The following CNTNAP5 variants were observed in gnomAD, a reference collection of about 807,000 sequenced individuals.
CNTNAP5 encodes the protein contactin associated protein family member 5.
CNTNAP5 carries 72 observed loss-of-function variants against 150.2 expected under a neutral mutation model. The ratio of observed to expected loss-of-function variants is 0.48; its 90% CI spans 0.40 to 0.58. The LOEUF is 0.58. Among genes scored for constraint, CNTNAP5 ranks in the 20% least tolerant of loss-of-function variants. CNTNAP5 has a pLI of 0.00. For missense variants in CNTNAP5, 1,636 were observed against 1,626.2 expected (o/e 1.01, Z -0.10); for synonymous variants, 672 against 619.8 (o/e 1.08, Z -1.25).
At chr2:124,224,927 A>T in intron 2 of CNTNAP5, among the ~76,000 whole-genome samples, 1 of 152,188 alleles carries the variant, frequency 6.6e-6, no homozygotes, top group East Asian at 1.9e-4. Flanking sequence ...AAGCAATTAT[A>T]ACACTGTCTC....
At chr2:124,692,144 C>G (rs1203661008) in intron 13 of CNTNAP5, among the ~76,000 whole-genome samples, 2 of 152,124 alleles carry the variant, frequency 1.3e-5, no homozygotes, top group Non-Finnish European at 2.9e-5. Context: ...ATGAGTGAAG[C>G]CCTTTGGGGA....
chr2:124,878,643 A>G (rs1677907567), intron 21 of CNTNAP5, among the ~76,000 whole-genome samples: 1 of 151,942 alleles, frequency 6.6e-6, no homozygotes. Context: ...ATGATTGGTA[A>G]ACAGTGGAGG....
At chr2:124,547,577 G>T (rs1304270673) in intron 10 of CNTNAP5, among the ~76,000 whole-genome samples, 1 of 152,140 alleles carries the variant, frequency 6.6e-6, no homozygotes, top group Non-Finnish European at 1.5e-5. Context: ...TCAGTATCTG[G>T]GGTGGCTGCT....
intron 1 of CNTNAP5, among the ~76,000 whole-genome samples, chr2:124,044,895 C>T (rs1466690626): frequency 1.6e-5 from 1 of 62,920 alleles, no homozygotes; most frequent in Non-Finnish European, 3.1e-5. Context: ...AGGAAACACA[C>T]ACACACACAC....
chr2:124,423,685 G>T (rs1165881468), intron 4 of CNTNAP5, among the ~76,000 whole-genome samples: 2 of 7,456 alleles, frequency 2.7e-4, no homozygotes, highest in Non-Finnish European at 3.1e-4. Context: ...TTTTTTTTGA[G>T]ACGGAGTCTC....
intron 19 of CNTNAP5, among the ~76,000 whole-genome samples, chr2:124,851,518 T>C (rs1240246761): frequency 6.6e-6 from 1 of 152,166 alleles, no homozygotes; most frequent in East Asian, 1.9e-4. Context: ...AAAGAATACG[T>C]TGGCATCAGA....
chr2:124,599,195 A>G lies in CNTNAP5; in HGVS notation c.1757-10606A>G, dbSNP rs543472185. On this transcript the variant is annotated intron_variant, in intron 11 of 23. Coordinates refer to ENST00000682447, the MANE Select transcript of CNTNAP5 (RefSeq NM_001367498.1). ...CCTTCAATATTTAAATCTCTGATTC[A>G]ATTAAAATTTGATCGTGGTCTGCAG... 1.6e-4 allele frequency among the ~76,000 whole-genome samples: 24 copies of G among 152,336 alleles called. No homozygotes were observed. The South Asian group carries it at 2.3e-3, about 14-fold the overall frequency.
At chr2:124,757,685 A>T (rs1347950668) in intron 14 of CNTNAP5, among the ~76,000 whole-genome samples, 3 of 152,166 alleles carry the variant, frequency 2.0e-5, no homozygotes, top group Non-Finnish European at 2.9e-5. Flanking sequence ...TATTCTCAGG[A>T]TTAAGTGAGC....
At chr2:124,140,354 A>C (rs1244271079) in intron 1 of CNTNAP5, among the ~76,000 whole-genome samples, 1 of 151,786 alleles carries the variant, frequency 6.6e-6, no homozygotes, top group Non-Finnish European at 1.5e-5. Context: ...TCAAACAAAA[A>C]AACAGCAGTA....
chr2:124,292,223 C>T (rs759964068), intron 3 of CNTNAP5, among the ~76,000 whole-genome samples: 5 of 152,014 alleles, frequency 3.3e-5, no homozygotes, highest in Non-Finnish European at 7.4e-5. Flanking sequence ...GAGAACATTT[C>T]CCAGTATCTT....
intron 1 of CNTNAP5, among the ~76,000 whole-genome samples, chr2:124,212,037 C>T (rs1267828807): frequency 6.6e-6 from 1 of 152,144 alleles, no homozygotes; most frequent in Non-Finnish European, 1.5e-5. Flanking sequence ...AAGAGAAACT[C>T]TCAATTCTGA....
chr2:124,717,412 A>T (rs1486152172), intron 13 of CNTNAP5, among the ~76,000 whole-genome samples: 1 of 152,222 alleles, frequency 6.6e-6, no homozygotes, highest in Non-Finnish European at 1.5e-5. Flanking sequence ...AGTGCATATA[A>T]CCATAGCACC....
intron 1 of CNTNAP5, among the ~76,000 whole-genome samples, chr2:124,044,833 C>T (rs1396264824): frequency 1.3e-5 from 2 of 150,948 alleles, no homozygotes; most frequent in Non-Finnish European, 2.9e-5. Flanking sequence ...AACTAAACTT[C>T]TTAATTGTAG....
intron 3 of CNTNAP5, among the ~76,000 whole-genome samples, chr2:124,321,450 AAAAAAAG>A (rs1311714477): frequency 1.2e-3 from 188 of 152,164 alleles, no homozygotes; most frequent in Non-Finnish European, 2.0e-3. Context: ...TCTCAAAAAA[AAAAAAAG>A]AAAAAGAAAA....
In CNTNAP5 at chr2:124,401,501, A is replaced by T. The variant is rs181106246; in HGVS notation, c.382-15942A>T. Among the ~76,000 whole-genome samples, 1,235 of 152,354 alleles carry T rather than the reference A, an allele frequency of 8.1e-3. 10 individuals are homozygous for T. Among genetic ancestry groups the T allele is most frequent in the Non-Finnish European group, 7.9e-3 (540 of 68,040 alleles). On this transcript the variant is annotated intron_variant, in intron 3 of 23. Coordinates refer to ENST00000682447, the MANE Select transcript of CNTNAP5 (RefSeq NM_001367498.1). ...ATACAAAAGTTCATAGTGTTCTAGGAAGAATTTTGAGAACTTTATTCAGAA... is the reference window on the plus strand; with the variant it reads ...ATACAAAAGTTCATAGTGTTCTAGGTAGAATTTTGAGAACTTTATTCAGAA...
At chr2:124,636,088 C>T (rs1161425369) in intron 12 of CNTNAP5, among the ~76,000 whole-genome samples, 1 of 152,164 alleles carries the variant, frequency 6.6e-6, no homozygotes, top group African/African-American at 2.4e-5. Flanking sequence ...TTGAAAGTCA[C>T]AATTTTTATG....
intron 19 of CNTNAP5, among the ~76,000 whole-genome samples, chr2:124,860,504 TTTCC>T (rs70999227): frequency 0.036 from 626 of 17,424 alleles, 9 homozygotes; most frequent in Non-Finnish European, 0.051. Flanking sequence ...TCCTTCCTTC[TTTCC>T]TTCCTTCCTT....
At chr2:124,684,491 G>A (rs1215274734) in intron 13 of CNTNAP5, among the ~76,000 whole-genome samples, 2 of 152,098 alleles carry the variant, frequency 1.3e-5, no homozygotes, top group South Asian at 2.1e-4. Context: ...TTTTCTCCCT[G>A]GAGAGCTGAC....
chr2:124,593,968 CT>C (rs1459427545), intron 11 of CNTNAP5, among the ~76,000 whole-genome samples: 1 of 98,530 alleles, frequency 1.0e-5, no homozygotes, highest in Non-Finnish European at 2.0e-5. Flanking sequence ...CCTTCGCCCA[CT>C]TTTTGATGGG....
Sources: allele counts gnomAD v4.1 joint callset (sites outside exome capture counted in the v4.1 genomes callset), GRCh38; gene constraint gnomAD v4.1.1; transcripts MANE v1.5; gene names NCBI Gene and HGNC (gene_info 2026-07-23, HGNC 2026-07-21).